Variants in NCAPG2 observed in about 807,000 individuals in gnomAD.
NCAPG2 encodes the protein non-SMC condensin II complex subunit G2.
NCAPG2 carries 53 observed loss-of-function variants against 141.1 expected under a neutral mutation model. That is an observed-to-expected ratio of 0.38 (90% CI 0.30 to 0.47). The LOEUF is 0.47. Among genes scored for constraint, NCAPG2 ranks in the 20% least tolerant of loss-of-function variants. NCAPG2 has a pLI of 0.99. For synonymous variants in NCAPG2, 499 were observed against 490.7 expected, an observed-to-expected ratio of 1.02 and a Z score of -0.22; for missense variants, 1,087 against 1,389.0, an observed-to-expected ratio of 0.78 and a Z score of 3.46.
intron 17 of NCAPG2, 25 bp from the exon 18 acceptor site, chr7:158,656,730 GACT>G: frequency 6.2e-7 from 1 of 1,609,696 alleles, no homozygotes; most frequent in Non-Finnish European, 8.5e-7. Context: ...CGGAAAATCG[GACT>G]GAGTATTTCA....
At chr7:158,671,350 T>C (rs1315823329) in intron 13 of NCAPG2, among the ~76,000 whole-genome samples, 164 bp downstream of exon 13, 1 of 152,250 alleles carries the variant, frequency 6.6e-6, no homozygotes, top group Admixed American at 6.5e-5. Flanking sequence ...ATAATATTTC[T>C]AGAACCTTTG....
At chr7:158,664,899 G>T in intron 13 of NCAPG2, 149 bp from the exon 14 acceptor site, 1 of 647,734 alleles carries the variant, frequency 1.5e-6, no homozygotes, top group Non-Finnish European at 2.6e-6. Flanking sequence ...CAAAATCTGT[G>T]ACTTTCTGTA....
In NCAPG2 at chr7:158,702,955, T is replaced by C. The variant is rs115318431; in HGVS notation, c.-39-1017A>G. 3.1e-3 allele frequency among the ~76,000 whole-genome samples: 471 copies of C among 152,350 alleles called. 2 individuals are homozygous for C. Among genetic ancestry groups the C allele is most frequent in the African/African-American group, 0.011 (448 of 41,580 alleles). On this transcript the variant is annotated intron_variant, in intron 1 of 27. Transcript: ENST00000356309. ...ATGTATGACCGTGGTCCCATAAGAT[T>C]ATAATGCCATATTTTTACTGTGCTT...
chr7:158,677,213 G>C (rs1053982965), intron 11 of NCAPG2, among the ~76,000 whole-genome samples: 1 of 152,102 alleles, frequency 6.6e-6, no homozygotes, highest in African/African-American at 2.4e-5. Context: ...AAAAGAGCCA[G>C]CAATAACTCT....
intron 21 of NCAPG2, 52 bp from the exon 22 acceptor site, chr7:158,654,746 T>C (rs1317570804): frequency 3.8e-6 from 6 of 1,575,564 alleles, no homozygotes; most frequent in Non-Finnish European, 5.2e-6. Context: ...AAAAAGGGAG[T>C]AAATCCAGCC....
At chr7:158,691,028 C>G (rs895446478) in intron 4 of NCAPG2, among the ~76,000 whole-genome samples, 1 of 152,158 alleles carries the variant, frequency 6.6e-6, no homozygotes, top group Non-Finnish European at 1.5e-5. Flanking sequence ...CTGAGGCTAA[C>G]CAAACCTCAG....
intron 16 of NCAPG2, among the ~76,000 whole-genome samples, chr7:158,659,329 C>CAAAA (rs34735258): frequency 1.2e-5 from 1 of 85,720 alleles, no homozygotes. Context: ...GACTCCATCT[C>CAAAA]AAAAAAAAAA....
At chr7:158,650,789 C>A in intron 24 of NCAPG2, 43 bp downstream of exon 24, 1 of 1,564,896 alleles carries the variant, frequency 6.4e-7, no homozygotes, top group South Asian at 1.2e-5. Flanking sequence ...CATCTTGTGT[C>A]ATCAATAAGA....
intron 15 of NCAPG2, among the ~76,000 whole-genome samples, chr7:158,662,763 C>T (rs1231443694): frequency 6.6e-6 from 1 of 152,108 alleles, no homozygotes; most frequent in Non-Finnish European, 1.5e-5. Flanking sequence ...ATGGTGAAGG[C>T]TGCTTTCCTC....
chr7:158,695,253 T>C (rs1010396333), intron 2 of NCAPG2, among the ~76,000 whole-genome samples: 2 of 152,212 alleles, frequency 1.3e-5, no homozygotes, highest in Non-Finnish European at 2.9e-5. Context: ...CAGGAAATAC[T>C]AGTTGACTGA....
At chr7:158,656,153 T>C (rs890908911) in intron 19 of NCAPG2, 107 bp downstream of exon 19, 1 of 1,385,130 alleles carries the variant, frequency 7.2e-7, no homozygotes, top group Non-Finnish European at 9.9e-7. Flanking sequence ...CTCAATTCTG[T>C]TCCAGCCAGA....
At chr7:158,646,659 C>T in intron 24 of NCAPG2, 96 bp from the exon 25 acceptor site, 1 of 724,230 alleles carries the variant, frequency 1.4e-6, no homozygotes, top group Non-Finnish European at 2.3e-6. Context: ...CTAAGAAAAA[C>T]TTTCTAGAAA....
chr7:158,659,813 G>A (rs1318904773), intron 16 of NCAPG2, among the ~76,000 whole-genome samples: 2 of 152,236 alleles, frequency 1.3e-5, no homozygotes, highest in Non-Finnish European at 2.9e-5. Context: ...AATATGGGAA[G>A]AAAATGTCTT....
intron 27 of NCAPG2, among the ~76,000 whole-genome samples, chr7:158,643,002 G>A (rs1830750211): frequency 6.6e-6 from 1 of 151,698 alleles, no homozygotes; most frequent in Admixed American, 6.6e-5. Flanking sequence ...TTGCTCTGTT[G>A]CCCAGGCTAG....
chr7:158,637,024 T>A (rs1427447420), intron 27 of NCAPG2, among the ~76,000 whole-genome samples: 2 of 151,696 alleles, frequency 1.3e-5, no homozygotes, highest in Non-Finnish European at 2.9e-5. Context: ...CTTGGCTCAC[T>A]GCAAGTTCCG....
intron 2 of NCAPG2, among the ~76,000 whole-genome samples, chr7:158,700,515 G>A (rs1297160172): frequency 6.6e-6 from 1 of 152,134 alleles, no homozygotes; most frequent in Admixed American, 6.6e-5. Context: ...TGTATGTACT[G>A]CATTTCCAAT....
At chr7:158,643,533 G>A (rs1412794570) in intron 27 of NCAPG2, among the ~76,000 whole-genome samples, 2 of 152,188 alleles carry the variant, frequency 1.3e-5, no homozygotes, top group Non-Finnish European at 1.5e-5. Flanking sequence ...TATAGAACAA[G>A]CCAACAGTCT....
intron 11 of NCAPG2, among the ~76,000 whole-genome samples, chr7:158,679,120 C>T (rs914681238): frequency 1.3e-5 from 2 of 152,174 alleles, no homozygotes; most frequent in African/African-American, 2.4e-5. Flanking sequence ...CCTCCCACAG[C>T]GCTGGGATTA....
At chr7:158,654,259 C>T (rs926979573) in intron 22 of NCAPG2, among the ~76,000 whole-genome samples, 1 of 152,132 alleles carries the variant, frequency 6.6e-6, no homozygotes, top group African/African-American at 2.4e-5. Flanking sequence ...AGCACATGAC[C>T]AGAGCAGAGC....
Sources: gnomAD v4.1 joint callset for allele counts (sites outside exome capture counted in the v4.1 genomes callset) on GRCh38, gnomAD v4.1.1 for gene constraint, MANE v1.5 for transcripts, NCBI Gene and HGNC (gene_info 2026-07-23, HGNC 2026-07-21) for gene names.